Variants in HYDIN observed in about 807,000 individuals in gnomAD.
HYDIN encodes HYDIN axonemal central pair apparatus protein.
In HYDIN, 132 loss-of-function variants were observed where a neutral mutation model predicts 403.9. That is an observed-to-expected ratio of 0.33 (90% CI 0.28 to 0.38). The LOEUF is 0.38. Among genes scored for constraint, HYDIN ranks in the 10% least tolerant of loss-of-function variants. HYDIN has a pLI of 1.00. For missense variants in HYDIN, 2,827 were observed against 5,009.5 expected, an observed-to-expected ratio of 0.56 and a Z score of 13.15; for synonymous variants, 1,202 against 1,891.7, an observed-to-expected ratio of 0.64 and a Z score of 9.46.
intron 5 of HYDIN, among the ~76,000 whole-genome samples, chr16:71,171,226 A>AT (rs1360396339): frequency 6.6e-6 from 1 of 152,222 alleles, no homozygotes; most frequent in African/African-American, 2.4e-5. Context: ...TCCCTCAGAT[A>AT]TTTGCACGGC....
At position 70,882,980 on chromosome 16, in the gene HYDIN, C is replaced by T. The variant is rs2040903880; in HGVS notation, c.9980-85G>A. On this transcript the variant is annotated intron_variant, in intron 59 of 85. Transcript: ENST00000393567. ...TTCCTAATTTGGAACTCTGGATTCTCACAAAGGAGAATTGTGGAGGACACA... is the reference window on the plus strand; with the variant it reads ...TTCCTAATTTGGAACTCTGGATTCTTACAAAGGAGAATTGTGGAGGACACA... The T allele has an allele frequency of 6.3e-6, 7 of 1,104,382 alleles. No homozygotes were observed. The South Asian group carries it at 6.7e-5, about 11-fold the overall frequency. 68.4% of individuals were successfully genotyped at this position (1,104,382 alleles called of 1,614,324 possible).
chr16:71,098,406 G>T (rs1463302525), intron 10 of HYDIN, among the ~76,000 whole-genome samples: 1 of 151,672 alleles, frequency 6.6e-6, no homozygotes, highest in Admixed American at 6.6e-5. Context: ...GCTTCACCGT[G>T]TTAGCCAGGA....
rs1158261451 is a variant in HYDIN at position 71,217,879 on chromosome 16, C to A, written c.-24+12683G>T. 2.0e-5 allele frequency among the ~76,000 whole-genome samples: 3 copies of A among 152,248 alleles called. No individual in the cohort carries two copies. In the East Asian group the frequency reaches 5.8e-4, roughly 29 times the overall value. On this transcript the variant is annotated intron_variant, in intron 1 of 85. Transcript: ENST00000393567. ...GGTCCAAGAGAGGGACCACTGGCCA[C>A]AAAGCCACATATTAACTGGTGAAAT...
At chr16:71,016,947 G>A (rs2080279111) in intron 23 of HYDIN, among the ~76,000 whole-genome samples, 1 of 151,006 alleles carries the variant, frequency 6.6e-6, no homozygotes, top group Non-Finnish European at 1.5e-5. Context: ...CACATGCTGA[G>A]GGAGGGACCT....
chr16:71,203,678 T>C (rs1218355717), intron 1 of HYDIN: 1 of 452,890 alleles, frequency 2.2e-6, no homozygotes, highest in Non-Finnish European at 4.4e-6. Context: ...CATACACAAA[T>C]TATTCTATTC....
intron 14 of HYDIN, among the ~76,000 whole-genome samples, chr16:71,068,792 C>G (rs998131366): frequency 6.6e-6 from 1 of 152,210 alleles, no homozygotes; most frequent in African/African-American, 2.4e-5. Context: ...AGATAAGGCG[C>G]TGTTAGTGAT....
At position 70,964,821 on chromosome 16, in the gene HYDIN, G is replaced by A. The variant is rs753516013; in HGVS notation, c.5695C>T (p.Pro1899Ser). 6.3e-7 allele frequency: 1 copy of A among 1,583,692 alleles called. No individual in the cohort carries two copies. The highest frequency in any genetic ancestry group is 8.7e-7 in the Non-Finnish European group (1 of 1,152,112). ...TTGAAGTACTCGTACAGTTCTGGGGGCAGCTTCTCCCCAGGGTTGCGGGGA... is the reference window on the plus strand; with the variant it reads ...TTGAAGTACTCGTACAGTTCTGGGGACAGCTTCTCCCCAGGGTTGCGGGGA... Reference protein sequence around the residue: ...LPPRNPGEKLPPELYEYFKEI... With the variant: ...LPPRNPGEKLSPELYEYFKEI... Residue 1899 changes from proline (P) to serine (S), a missense_variant, in exon 37 of 86, where the codon CCC becomes TCC. Transcript: ENST00000393567.
At chr16:71,110,390 T>TTA (rs893685875) in intron 10 of HYDIN, among the ~76,000 whole-genome samples, 7 of 137,528 alleles carry the variant, frequency 5.1e-5, no homozygotes, top group African/African-American at 1.7e-4. Context: ...TACATATATT[T>TTA]TATATATATA....
At chr16:71,109,370 G>A (rs376525058) in intron 10 of HYDIN, among the ~76,000 whole-genome samples, 4 of 135,402 alleles carry the variant, frequency 3.0e-5, no homozygotes, top group East Asian at 2.0e-4. Flanking sequence ...GTATACTGTC[G>A]TTTACGCAAA....
intron 58 of HYDIN, among the ~76,000 whole-genome samples, chr16:70,886,841 T>A (rs1278672469): frequency 6.6e-6 from 1 of 152,208 alleles, no homozygotes; most frequent in Non-Finnish European, 1.5e-5. Context: ...TCTTTAATTT[T>A]CAGAAGTTTG....
In HYDIN at chr16:70,858,951, T is replaced by TA. The variant is rs61139354; in HGVS notation, c.12130-1082dup. ...ATGTTTTGTTTGGTTTGGGAATTGT[T>TA]AAAAAAAAAAAAAAATGAACTAGCT... On this transcript the variant is annotated intron_variant, in intron 71 of 85. Transcript: ENST00000393567. 6.3e-3 allele frequency among the ~76,000 whole-genome samples: 870 copies of TA among 137,362 alleles called. 3 individuals are homozygous for TA. Among genetic ancestry groups the TA allele is most frequent in the African/African-American group, 0.013 (485 of 37,488 alleles). The allele number at this position is 137,362 out of a possible 152,430, so 90.1% of individuals were successfully genotyped here. A position where few individuals can be genotyped will look rare whatever the true frequency, so the allele number is the denominator to read the frequency against.
At chr16:70,845,855 G>A (rs929754832) in intron 75 of HYDIN, among the ~76,000 whole-genome samples, 2 of 139,030 alleles carry the variant, frequency 1.4e-5, no homozygotes, top group Admixed American at 6.9e-5. Flanking sequence ...TTCTCTGATG[G>A]TAGTTTGTAT....
chr16:70,817,928 G>C (rs1597029419), intron 84 of HYDIN, among the ~76,000 whole-genome samples: 2 of 152,064 alleles, frequency 1.3e-5, no homozygotes, highest in Non-Finnish European at 2.9e-5. Context: ...TTTTAGTAGA[G>C]ATGGGGTTTC....
chr16:71,021,309 C>T (rs551564884), intron 21 of HYDIN, among the ~76,000 whole-genome samples: 13 of 151,288 alleles, frequency 8.6e-5, no homozygotes, highest in African/African-American at 1.9e-4. Context: ...CTCTGCCTCT[C>T]GAGTACAAGT....
intron 38 of HYDIN, among the ~76,000 whole-genome samples, chr16:70,960,934 G>A (rs1221511433): frequency 3.9e-5 from 6 of 152,138 alleles, no homozygotes; most frequent in African/African-American, 9.7e-5. Flanking sequence ...CTCATGATCC[G>A]CCTGCCTTGG....
At chr16:71,041,659 C>T (rs1206045421) in intron 18 of HYDIN, among the ~76,000 whole-genome samples, 2 of 152,170 alleles carry the variant, frequency 1.3e-5, no homozygotes, top group Non-Finnish European at 2.9e-5. Context: ...AGACAGACCA[C>T]ACACACCATA....
intron 21 of HYDIN, among the ~76,000 whole-genome samples, chr16:71,024,869 C>A (rs1253889828): frequency 6.6e-6 from 1 of 152,074 alleles, no homozygotes; most frequent in African/African-American, 2.4e-5. Context: ...ACCTGTATCT[C>A]AGTTTCCTCG....
chr16:71,227,153 G>T, intron 1 of HYDIN, among the ~76,000 whole-genome samples: 3 of 151,890 alleles, frequency 2.0e-5, no homozygotes, highest in African/African-American at 7.3e-5. Context: ...GTGTATGTGT[G>T]TGTGTGTGTG....
At chr16:71,202,093 A>C (rs1469463261) in intron 1 of HYDIN, among the ~76,000 whole-genome samples, 1 of 152,226 alleles carries the variant, frequency 6.6e-6, no homozygotes, top group South Asian at 2.1e-4. Flanking sequence ...GATTCTGTCA[A>C]CACCAGAGTC....
Sources: gnomAD v4.1 joint callset for allele counts (sites outside exome capture counted in the v4.1 genomes callset) on GRCh38, gnomAD v4.1.1 for gene constraint, MANE v1.5 for transcripts, NCBI Gene and HGNC (gene_info 2026-07-23, HGNC 2026-07-21) for gene names.